The following ANKH variants were observed in gnomAD, a reference collection of about 807,000 sequenced individuals.
ANKH encodes mineralization regulator ANKH.
ANKH carries 15 observed loss-of-function variants against 49.0 expected under a neutral mutation model. The observed-to-expected ratio is 0.31, with a 90% CI of 0.20 to 0.47. The LOEUF (loss-of-function observed/expected upper bound fraction) is 0.47, where lower values mean the gene tolerates loss of function less well. Ranked by LOEUF, ANKH falls within the 20% of genes least tolerant of loss-of-function variation. The pLI, the probability that ANKH is intolerant of heterozygous loss-of-function variation, is 1.00. For missense variants in ANKH, 429 were observed against 652.0 expected, an observed-to-expected ratio of 0.66 and a Z score of 3.72; for synonymous variants, 273 against 260.0, an observed-to-expected ratio of 1.05 and a Z score of -0.48.
At chr5:14,754,223 A>G (rs1738806978) in intron 4 of ANKH, among the ~76,000 whole-genome samples, 1 of 152,246 alleles carries the variant, frequency 6.6e-6, no homozygotes, top group Non-Finnish European at 1.5e-5. Flanking sequence ...TCAGGTTTAA[A>G]ATAGAGAAGG....
intron 2 of ANKH, chr5:14,768,270 T>C (rs1463576535): frequency 6.5e-6 from 1 of 153,260 alleles, no homozygotes; most frequent in East Asian, 1.9e-4. Flanking sequence ...CAGTGTTTTA[T>C]GTAACTGGTT....
At chr5:14,753,733 G>T (rs1738792051) in intron 4 of ANKH, among the ~76,000 whole-genome samples, 1 of 146,166 alleles carries the variant, frequency 6.8e-6, no homozygotes, top group Admixed American at 6.8e-5. Context: ...AGCACTGCAT[G>T]GTTGCAACAA....
intron 1 of ANKH, among the ~76,000 whole-genome samples, chr5:14,821,786 T>C (rs1456092656): frequency 6.6e-6 from 1 of 152,186 alleles, no homozygotes; most frequent in Non-Finnish European, 1.5e-5. Flanking sequence ...TAGAACCAGA[T>C]AAATGAGCGA....
chr5:14,788,950 C>T (rs903036185), intron 1 of ANKH, among the ~76,000 whole-genome samples: 1 of 152,010 alleles, frequency 6.6e-6, no homozygotes, highest in Non-Finnish European at 1.5e-5. Flanking sequence ...TTATTTGGGC[C>T]GGGCACGGTG....
chr5:14,742,979 C>T (rs1738411482), intron 7 of ANKH, among the ~76,000 whole-genome samples: 1 of 152,294 alleles, frequency 6.6e-6, no homozygotes, highest in Admixed American at 6.5e-5. Context: ...AAAAACAAAC[C>T]CTGAACACCT....
intron 1 of ANKH, among the ~76,000 whole-genome samples, chr5:14,866,702 A>G (rs1735655572): frequency 7.0e-6 from 1 of 143,702 alleles, no homozygotes; most frequent in Non-Finnish European, 1.5e-5. Flanking sequence ...GTGAGGTATC[A>G]GTTGTTTCTT....
chr5:14,721,945 A>AG (rs1737684127), intron 8 of ANKH, among the ~76,000 whole-genome samples: 1 of 150,718 alleles, frequency 6.6e-6, no homozygotes, highest in Non-Finnish European at 1.5e-5. Context: ...AAAAAAAAAA[A>AG]AAAAAAAAAG....
intron 1 of ANKH, among the ~76,000 whole-genome samples, chr5:14,820,912 A>G (rs1365603080): frequency 6.6e-6 from 1 of 152,184 alleles, no homozygotes; most frequent in Non-Finnish European, 1.5e-5. Context: ...AGCCTGGGCG[A>G]CATGATAAAA....
At chr5:14,841,454 G>A (rs531938442) in intron 1 of ANKH, among the ~76,000 whole-genome samples, 2 of 152,094 alleles carry the variant, frequency 1.3e-5, no homozygotes, top group East Asian at 1.9e-4. Flanking sequence ...GTGCCCCAAC[G>A]CCTGGCTAAT....
At chr5:14,751,045 C>T (rs1243374464) in intron 5 of ANKH, 24 bp downstream of exon 5, 1 of 1,613,068 alleles carries the variant, frequency 6.2e-7, no homozygotes. Flanking sequence ...CTCAGACAGA[C>T]TGCTGTTGGG....
intron 3 of ANKH, among the ~76,000 whole-genome samples, chr5:14,757,844 A>G (rs1738951879): frequency 6.6e-6 from 1 of 152,222 alleles, no homozygotes; most frequent in African/African-American, 2.4e-5. Flanking sequence ...TGATGGTGGT[A>G]TAGCTGCTAC....
chr5:14,736,326 T>C (rs1297586124), intron 8 of ANKH, among the ~76,000 whole-genome samples: 1 of 152,186 alleles, frequency 6.6e-6, no homozygotes, highest in Non-Finnish European at 1.5e-5. Context: ...GGGCCAGCCC[T>C]GGACAGAGTC....
chr5:14,749,131 C>T (rs963523429), intron 6 of ANKH, 41 bp downstream of exon 6: 2 of 1,613,636 alleles, frequency 1.2e-6, no homozygotes, highest in African/African-American at 2.7e-5. Flanking sequence ...CCTGCCCCAC[C>T]AAGGTGATCA....
chr5:14,732,369 C>T (rs1440044850), intron 8 of ANKH, among the ~76,000 whole-genome samples: 1 of 151,974 alleles, frequency 6.6e-6, no homozygotes, highest in African/African-American at 2.4e-5. Context: ...CAGGGTTTGT[C>T]TACTGAAGGT....
intron 1 of ANKH, among the ~76,000 whole-genome samples, chr5:14,783,053 A>G (rs1178467652): frequency 1.3e-5 from 2 of 152,094 alleles, no homozygotes; most frequent in Non-Finnish European, 2.9e-5. Flanking sequence ...AGAACTCACT[A>G]TTGGTATTTA....
At chr5:14,797,825 G>C in intron 1 of ANKH, 1 of 1,611,458 alleles carries the variant, frequency 6.2e-7, no homozygotes, top group Non-Finnish European at 8.5e-7. Flanking sequence ...CACTAAGTAA[G>C]TGCCCACTGA....
At position 14,705,372 on chromosome 5, in the gene ANKH, C is replaced by T. The variant is rs776446345; in HGVS notation, c.*5825G>A. On this transcript the variant is annotated 3_prime_UTR_variant, in exon 12 of 12. Coordinates refer to ENST00000284268, the MANE Select transcript of ANKH (RefSeq NM_054027.6). Reference sequence around the variant, plus strand: ...TATTCTTCCATTGTAGGATCTCATACGACGTTCTAAATCCTAGATCATAAA... The same window carrying T: ...TATTCTTCCATTGTAGGATCTCATATGACGTTCTAAATCCTAGATCATAAA... The T allele has an allele frequency of 2.0e-5, 3 of 152,016 alleles. No homozygotes were observed. Among genetic ancestry groups the T allele is most frequent in the Admixed American group, 6.6e-5 (1 of 15,266 alleles). The allele number at this position is 152,016 out of a possible 1,614,324, so 9.4% of individuals were successfully genotyped here.
chr5:14,818,448 C>A (rs984108518), intron 1 of ANKH, among the ~76,000 whole-genome samples: 4 of 151,876 alleles, frequency 2.6e-5, no homozygotes, highest in Admixed American at 2.0e-4. Context: ...TCGAGACCAG[C>A]CTGGCCAACA....
At chr5:14,819,796 G>T (rs1741143608) in intron 1 of ANKH, among the ~76,000 whole-genome samples, 1 of 151,940 alleles carries the variant, frequency 6.6e-6, no homozygotes, top group South Asian at 2.1e-4. Flanking sequence ...AACCTGGAAG[G>T]TCGAGGCTAT....
Sources: gnomAD v4.1 joint callset for allele counts (sites outside exome capture counted in the v4.1 genomes callset) on GRCh38, gnomAD v4.1.1 for gene constraint, MANE v1.5 for transcripts, NCBI Gene and HGNC (gene_info 2026-07-23, HGNC 2026-07-21) for gene names.